COPS2: variants seen among roughly 807,000 people sequenced by gnomAD.
COPS2 encodes COP9 signalosome subunit 2.
Under a neutral mutation model 66.1 loss-of-function variants are expected in COPS2, and 10 were observed. The ratio of observed to expected loss-of-function variants is 0.15; its 90% CI spans 0.09 to 0.26. The LOEUF is 0.26. Ranked by LOEUF, COPS2 falls within the 10% of genes least tolerant of loss-of-function variation. The pLI, the probability that COPS2 is intolerant of heterozygous loss-of-function variation, is 1.00. For missense variants in COPS2, 215 were observed against 513.3 expected, an observed-to-expected ratio of 0.42 and a Z score of 5.62; for synonymous variants, 179 against 171.3, an observed-to-expected ratio of 1.04 and a Z score of -0.35.
In COPS2 at chr15:49,125,300, T is replaced by C. The variant is rs1027190954; in HGVS notation, c.*2650A>G. Reference sequence around the variant, plus strand: ...TAAGATGTAGAGAAAAAGTATTTAATCAACAACTTTAATGTAAGAGCAAGA... The same window carrying C: ...TAAGATGTAGAGAAAAAGTATTTAACCAACAACTTTAATGTAAGAGCAAGA... On this transcript the variant is annotated 3_prime_UTR_variant, in exon 13 of 13. Coordinates refer to ENST00000388901, the MANE Select transcript of COPS2 (RefSeq NM_004236.4). The C allele has an allele frequency of 5.9e-5, 9 of 152,130 alleles. No individual in the cohort carries two copies. Among genetic ancestry groups the C allele is most frequent in the African/African-American group, 2.2e-4 (9 of 41,450 alleles). The allele number at this position is 152,130 out of a possible 1,614,324, so 9.4% of individuals were successfully genotyped here. A position where few individuals can be genotyped will look rare whatever the true frequency, so the allele number is the denominator to read the frequency against.
At chr15:49,151,855 G>C (rs34505850) in intron 1 of COPS2, among the ~76,000 whole-genome samples, 10,014 of 146,126 alleles carry the variant, frequency 0.069, 451 homozygotes, top group East Asian at 0.19. Context: ...GATTCTTCTT[G>C]GGCAGAAATC....
intron 6 of COPS2, 57 bp downstream of exon 6, chr15:49,137,093 G>T: frequency 9.5e-7 from 1 of 1,051,060 alleles, no homozygotes. Context: ...TATAATTATT[G>T]CTTATACTTT....
rs368659951 is a variant in COPS2, at chr15:49,144,987, G to A, written c.146C>T (p.Ala49Val). Residue 49 changes from alanine to valine, a missense_variant, in exon 2 of 13, where the codon GCG becomes GTG. Physicochemically the swap from Ala to Val is moderately conservative, Grantham distance 64. Coordinates refer to ENST00000388901, the MANE Select transcript of COPS2 (RefSeq NM_004236.4). ...AACCTTTTGGAAACTGCTTAATGCC[G>A]CTTTTGGGTCATCTTCTTTTAATGC... is the stretch of plus-strand genomic sequence containing the variant. ...SKALKEDDPK[A>V]ALSSFQKVLE... 3.3e-5 allele frequency: 53 copies of A among 1,588,512 alleles called. No individual in the cohort carries two copies. The highest frequency in any genetic ancestry group is 3.8e-5 in the Non-Finnish European group (44 of 1,170,308).
chr15:49,154,771 C>G (rs2084400430), intron 1 of COPS2, among the ~76,000 whole-genome samples: 1 of 152,076 alleles, frequency 6.6e-6, no homozygotes, highest in Admixed American at 6.6e-5. Flanking sequence ...CAGAAAAATT[C>G]GTTTATTTCT....
At chr15:49,154,665 G>A (rs566314327) in intron 1 of COPS2, among the ~76,000 whole-genome samples, 4 of 152,150 alleles carry the variant, frequency 2.6e-5, no homozygotes, top group Non-Finnish European at 4.4e-5. Context: ...ATAATTTTCT[G>A]AGTTTCCACA....
intron 3 of COPS2, among the ~76,000 whole-genome samples, chr15:49,140,755 T>C (rs2084284900): frequency 6.6e-6 from 1 of 152,156 alleles, no homozygotes; most frequent in Non-Finnish European, 1.5e-5. Flanking sequence ...TATTTTCTTT[T>C]TTTTTTTATC....
rs2084339559 is a variant in COPS2 at position 49,148,921 on chromosome 15, T to C, written c.55-3843A>G. Among the ~76,000 whole-genome samples the C allele has an allele frequency of 2.0e-5, 3 of 152,322 alleles. No individual in the cohort carries two copies. In the South Asian group the frequency reaches 6.2e-4, roughly 32 times the overall value. On this transcript the variant is annotated intron_variant, in intron 1 of 12. Coordinates refer to ENST00000388901, the MANE Select transcript of COPS2 (RefSeq NM_004236.4). ...ATGCCATTACTCAGAATAGGAAATCTAGAAGTATTGAGTAAGTATTGCTAA... is the reference window on the plus strand; with the variant it reads ...ATGCCATTACTCAGAATAGGAAATCCAGAAGTATTGAGTAAGTATTGCTAA...
At chr15:49,136,993 A>T (rs181221604) in intron 6 of COPS2, among the ~76,000 whole-genome samples, 157 bp downstream of exon 6, 2,111 of 106,930 alleles carry the variant, frequency 0.02, 47 homozygotes, top group African/African-American at 0.054. Flanking sequence ...CCTCTCTCTC[A>T]AAAAAAAAAA....
At chr15:49,148,495 T>G (rs2084337230) in intron 1 of COPS2, among the ~76,000 whole-genome samples, 1 of 152,142 alleles carries the variant, frequency 6.6e-6, no homozygotes, top group African/African-American at 2.4e-5. Context: ...CAAGGAAGCT[T>G]GAAACAGTAT....
At chr15:49,133,893 A>G (rs1444803777) in intron 8 of COPS2, 37 bp downstream of exon 8, 1 of 1,558,356 alleles carries the variant, frequency 6.4e-7, no homozygotes, top group Admixed American at 2.0e-5. Flanking sequence ...ATTTCCAGAT[A>G]GCTGATAAGA....
rs577613627 is a variant in COPS2, at chr15:49,125,210, A to C, written c.*2740T>G. 6 of 152,278 alleles carry C rather than the reference A, an allele frequency of 3.9e-5. 1 individual carries two copies. The East Asian group carries it at 1.2e-3, about 29-fold the overall frequency. The allele number at this position is 152,278 out of a possible 1,614,324, so 9.4% of individuals were successfully genotyped here. On this transcript the variant is annotated 3_prime_UTR_variant, in exon 13 of 13. Transcript: ENST00000388901. The stretch of plus-strand genomic sequence containing the variant: ...ATCAGCCTGTAGTTAGAAGGGACTC[A>C]TGTAATGAGAGCATTACTTAGTACA...
chr15:49,144,912 A>G, intron 2 of COPS2, 53 bp downstream of exon 2: 1 of 962,526 alleles, frequency 1.0e-6, no homozygotes, highest in Non-Finnish European at 1.6e-6. Flanking sequence ...TATTTGTTCT[A>G]GCATATCATT....
Position 49,125,916 on chromosome 15 carries a change from T to C in COPS2, c.*2034A>G, listed in dbSNP as rs1280079653. Reference sequence around the variant, plus strand: ...ACAGGAGAACTGGGCACTGTAAGAATTGGAGGATAAAGGTTAAATCATTTC... The same window carrying C: ...ACAGGAGAACTGGGCACTGTAAGAACTGGAGGATAAAGGTTAAATCATTTC... On this transcript the variant is annotated 3_prime_UTR_variant, in exon 13 of 13. Transcript: ENST00000388901. 3 of 152,094 alleles carry C rather than the reference T, an allele frequency of 2.0e-5. No homozygotes were observed. The highest frequency in any genetic ancestry group is 2.1e-4 in the South Asian group (1 of 4,834). The allele number at this position is 152,094 out of a possible 1,614,324, so 9.4% of individuals were successfully genotyped here. A position where few individuals can be genotyped will look rare whatever the true frequency, so the allele number is the denominator to read the frequency against.
chr15:49,143,432 T>C (rs2084301418), intron 3 of COPS2, among the ~76,000 whole-genome samples: 1 of 152,184 alleles, frequency 6.6e-6, no homozygotes, highest in Non-Finnish European at 1.5e-5. Context: ...GTTAAGAGGC[T>C]ATCTCAATAA....
At chr15:49,140,196 T>C (rs2084281889) in intron 3 of COPS2, among the ~76,000 whole-genome samples, 1 of 151,880 alleles carries the variant, frequency 6.6e-6, no homozygotes, top group Admixed American at 6.6e-5. Flanking sequence ...GGTTTCTCCA[T>C]GTTGGTCAGG....
chr15:49,134,599 T>G, intron 6 of COPS2, 85 bp from the exon 7 acceptor site: 2 of 1,078,542 alleles, frequency 1.9e-6, no homozygotes, highest in Non-Finnish European at 2.6e-6. Flanking sequence ...CTTACATTTA[T>G]AATACTATTT....
In COPS2 at chr15:49,127,252, A is replaced by G. The variant is rs2084174533; in HGVS notation, c.*698T>C. The stretch of plus-strand genomic sequence containing the variant: ...ACTTATTTGCCCCCAGGCTTTTTAA[A>G]ATCATTAACTGAAGATAAAATAATT... On this transcript the variant is annotated 3_prime_UTR_variant, in exon 13 of 13. Transcript: ENST00000388901. 1 of 152,580 alleles carries G rather than the reference A, an allele frequency of 6.6e-6. No individual in the cohort carries two copies. The highest frequency in any genetic ancestry group is 2.4e-5 in the African/African-American group (1 of 41,458). The allele number at this position is 152,580 out of a possible 1,614,324, so 9.5% of individuals were successfully genotyped here.
rs1296074957 is a variant in COPS2 at position 49,127,298 on chromosome 15, A to G, written c.*652T>C. The G allele has an allele frequency of 6.6e-6, 1 of 152,586 alleles. No individual in the cohort carries two copies. Among genetic ancestry groups the G allele is most frequent in the Non-Finnish European group, 1.5e-5 (1 of 68,016 alleles). The allele number at this position is 152,586 out of a possible 1,614,324, so 9.5% of individuals were successfully genotyped here. A position where few individuals can be genotyped will look rare whatever the true frequency, so the allele number is the denominator to read the frequency against. On this transcript the variant is annotated 3_prime_UTR_variant, in exon 13 of 13. Transcript: ENST00000388901. The stretch of plus-strand genomic sequence containing the variant: ...TAATTTGAAATTTCGAAGGTACTAA[A>G]AAACAAAACAACTCCAAATGTAATA...
Position 49,155,512 on chromosome 15 carries a change from C to T in COPS2, c.54+13G>A, listed in dbSNP as rs373052719. On this transcript the variant is annotated intron_variant, in intron 1 of 12. Coordinates refer to ENST00000388901, the MANE Select transcript of COPS2 (RefSeq NM_004236.4). Reference sequence around the variant, plus strand: ...ACATCACCACCCTCAGAGTTCCATTCCCTGCGCCTCACCAGGTCGTAGTCC... The same window carrying T: ...ACATCACCACCCTCAGAGTTCCATTTCCTGCGCCTCACCAGGTCGTAGTCC... The T allele has an allele frequency of 1.2e-6, 2 of 1,614,018 alleles. No individual in the cohort carries two copies. The highest frequency in any genetic ancestry group is 1.1e-5 in the South Asian group (1 of 91,084).
Sources: allele counts gnomAD v4.1 joint callset (sites outside exome capture counted in the v4.1 genomes callset), GRCh38; gene constraint gnomAD v4.1.1; transcripts MANE v1.5; gene names NCBI Gene and HGNC (gene_info 2026-07-23, HGNC 2026-07-21).